The following STK3 variants were observed in gnomAD, a reference collection of about 807,000 sequenced individuals.
STK3 encodes serine/threonine kinase 3.
In STK3, 41 loss-of-function variants were observed where a neutral mutation model predicts 58.0. The observed-to-expected ratio is 0.71, with a 90% CI of 0.55 to 0.92. The LOEUF (loss-of-function observed/expected upper bound fraction) is 0.92, where lower values mean the gene tolerates loss of function less well. STK3 is among the 40% of genes least tolerant of loss of function. The probability of loss-of-function intolerance (pLI) is 0.00; values close to 1 mark genes in which losing one functional copy is unlikely to be tolerated. For synonymous variants in STK3, 170 were observed against 191.0 expected (o/e 0.89, Z 0.91); for missense variants, 479 against 602.7 (o/e 0.79, Z 2.15).
intron 8 of STK3, among the ~76,000 whole-genome samples, chr8:98,561,991 AAAAC>A (rs1050911961): frequency 6.6e-6 from 1 of 152,202 alleles, no homozygotes; most frequent in Non-Finnish European, 1.5e-5. Flanking sequence ...TTAAAATGCA[AAAAC>A]AAACAAACAA....
At chr8:98,726,161 G>A (rs1012374206) in intron 4 of STK3, among the ~76,000 whole-genome samples, 17 of 152,114 alleles carry the variant, frequency 1.1e-4, no homozygotes, top group African/African-American at 3.6e-4. Flanking sequence ...TATGAAGGTG[G>A]GCCTGACTGA....
chr8:98,885,018 A>T (rs986398817), intron 1 of STK3, among the ~76,000 whole-genome samples: 2 of 152,246 alleles, frequency 1.3e-5, no homozygotes, highest in African/African-American at 4.8e-5. Context: ...GTTGTAAAAC[A>T]GATGAAATAA....
At chr8:98,494,850 A>G (rs1023376877) in intron 10 of STK3, among the ~76,000 whole-genome samples, 12 of 152,046 alleles carry the variant, frequency 7.9e-5, no homozygotes, top group Non-Finnish European at 1.5e-5. Context: ...TGTGGAAGAG[A>G]GAACAGCAGG....
At chr8:98,457,446 T>C (rs1460255334) in intron 10 of STK3, among the ~76,000 whole-genome samples, 1 of 152,234 alleles carries the variant, frequency 6.6e-6, no homozygotes, top group Non-Finnish European at 1.5e-5. Context: ...CCAGTTCCAC[T>C]TCTGTGTTCT....
chr8:98,671,187 A>G (rs1285615647), intron 6 of STK3, among the ~76,000 whole-genome samples: 1 of 151,804 alleles, frequency 6.6e-6, no homozygotes, highest in African/African-American at 2.4e-5. Flanking sequence ...ACCTTCTCTT[A>G]TAACATTCTG....
chr8:98,827,810 A>G, upstream of STK3, among the ~76,000 whole-genome samples: 1 of 152,088 alleles, frequency 6.6e-6, no homozygotes, highest in Non-Finnish European at 1.5e-5. Flanking sequence ...CCCGGCTACA[A>G]AATTTTATAC....
At chr8:98,415,806 T>C (rs1818108791) in intron 3 of STK3, among the ~76,000 whole-genome samples, 1 of 152,214 alleles carries the variant, frequency 6.6e-6, no homozygotes, top group South Asian at 2.1e-4. Flanking sequence ...AGTAATCTAA[T>C]ATAATTAAAA....
At chr8:98,860,530 C>T (rs951634425) in intron 3 of STK3, among the ~76,000 whole-genome samples, 2 of 152,152 alleles carry the variant, frequency 1.3e-5, no homozygotes, top group African/African-American at 4.8e-5. Context: ...CTTGTTCTTC[C>T]TTTTGTGGAT....
intron 6 of STK3, among the ~76,000 whole-genome samples, chr8:98,664,128 T>C (rs1587220331): frequency 6.6e-6 from 1 of 152,224 alleles, no homozygotes; most frequent in Admixed American, 6.5e-5. Flanking sequence ...TATTCATTAA[T>C]GAATATATCT....
intron 7 of STK3, among the ~76,000 whole-genome samples, chr8:98,591,738 T>C (rs973789801): frequency 2.0e-5 from 3 of 152,188 alleles, no homozygotes; most frequent in Non-Finnish European, 4.4e-5. Flanking sequence ...GAATTGACAA[T>C]GAATTGCATA....
At chr8:98,359,123 C>T in the STK3 span, among the ~76,000 whole-genome samples, 13 of 152,142 alleles carry the variant, frequency 8.5e-5, no homozygotes, top group Admixed American at 2.6e-4. Flanking sequence ...GGCACCATCC[C>T]GCTATTCCTG....
At chr8:98,712,639 C>A (rs1563920174) in intron 4 of STK3, among the ~76,000 whole-genome samples, 1 of 151,958 alleles carries the variant, frequency 6.6e-6, no homozygotes, top group African/African-American at 2.4e-5. Context: ...TAAAGCAAGT[C>A]CTGACTGACC....
At chr8:98,454,211 T>G (rs964723711), downstream of STK3, among the ~76,000 whole-genome samples, 1 of 152,204 alleles carries the variant, frequency 6.6e-6, no homozygotes, top group Non-Finnish European at 1.5e-5. Context: ...CATCAGCTTT[T>G]CCTGTTCTCT....
At chr8:98,877,331 A>G (rs1837590437) in intron 3 of STK3, among the ~76,000 whole-genome samples, 1 of 152,182 alleles carries the variant, frequency 6.6e-6, no homozygotes, top group Admixed American at 6.6e-5. Context: ...TCAGGAGACT[A>G]TACAGTCTAC....
chr8:98,903,549 TCTTCTTC>T (rs540661561), intron 1 of STK3, among the ~76,000 whole-genome samples: 14,210 of 44,762 alleles, frequency 0.32, 1,585 homozygotes, highest in South Asian at 0.46. Flanking sequence ...TTCTTCTTCT[TCTTCTTC>T]CTTTTTTTTT....
At chr8:98,561,233 CA>C (rs1362819574) in intron 8 of STK3, among the ~76,000 whole-genome samples, 1 of 150,286 alleles carries the variant, frequency 6.7e-6, no homozygotes, top group East Asian at 2.0e-4. Context: ...GAAAATGACA[CA>C]AAGGCAACTC....
chr8:98,875,233 A>G (rs1198702791), intron 3 of STK3: 1 of 152,164 alleles, frequency 6.6e-6, no homozygotes, highest in Admixed American at 6.5e-5. Flanking sequence ...CAAAAACTCA[A>G]ATATCTATAG....
At chr8:98,713,049 A>T (rs1365516783) in intron 4 of STK3, among the ~76,000 whole-genome samples, 1 of 152,208 alleles carries the variant, frequency 6.6e-6, no homozygotes, top group Admixed American at 6.5e-5. Context: ...GTACATAACG[A>T]AATGAAGGCA....
At chr8:98,908,162 T>A (rs895097076) in intron 1 of STK3, among the ~76,000 whole-genome samples, 1 of 152,360 alleles carries the variant, frequency 6.6e-6, no homozygotes, top group South Asian at 2.1e-4. Flanking sequence ...AGATTCACTA[T>A]TTCAGAAAGG....
Sources: allele counts gnomAD v4.1 joint callset (sites outside exome capture counted in the v4.1 genomes callset), GRCh38; gene constraint gnomAD v4.1.1; transcripts MANE v1.5; gene names NCBI Gene and HGNC (gene_info 2026-07-23, HGNC 2026-07-21).